MCM3: variants seen among roughly 807,000 people sequenced by gnomAD.
MCM3 encodes the protein DNA replication licensing factor MCM3.
MCM3 carries 59 observed loss-of-function variants against 91.3 expected under a neutral mutation model. The ratio of observed to expected loss-of-function variants is 0.65; its 90% CI spans 0.52 to 0.80. The LOEUF (loss-of-function observed/expected upper bound fraction) is 0.80. MCM3 is among the 30% of genes least tolerant of loss of function. The probability of loss-of-function intolerance (pLI) is 0.00; values close to 1 mark genes in which losing one functional copy is unlikely to be tolerated. For missense variants in MCM3, 919 were observed against 1,035.4 expected (o/e 0.89, Z 1.54); for synonymous variants, 383 against 379.6 (o/e 1.01, Z -0.10).
chr6:52,282,989 T>C, intron 2 of MCM3, 128 bp from the exon 3 acceptor site: 2 of 707,634 alleles, frequency 2.8e-6, no homozygotes, highest in Non-Finnish European at 4.7e-6. Context: ...CTCCTATAAG[T>C]CTCAGTAAAA....
chr6:52,269,109 C>T lies in MCM3; in HGVS notation c.1945G>A (p.Val649Ile). 8 of 1,613,800 alleles carry T rather than the reference C, an allele frequency of 5.0e-6. No homozygotes were observed. Among genetic ancestry groups the T allele is most frequent in the South Asian group, 1.1e-5 (1 of 91,010 alleles). Residue 649 changes from valine (V) to isoleucine (I), a missense_variant, in exon 13 of 17, where the codon GTC becomes ATC. Coordinates refer to ENST00000596288, the MANE Select transcript of MCM3 (RefSeq NM_002388.6). ...LQDAEEAVEL[V>I]QYAYFKKVLE... ...ACCTTCTTAAAGTAAGCATACTGGA[C>T]CAACTCCACAGCTTCCTCTGCATCC...
intron 12 of MCM3, among the ~76,000 whole-genome samples, chr6:52,269,694 G>C (rs1313941026): frequency 1.3e-5 from 2 of 152,226 alleles, no homozygotes; most frequent in Admixed American, 1.3e-4. Flanking sequence ...GAAGTAATCT[G>C]AGGACAAAAA....
At chr6:52,270,340 A>G (rs1040916175) in intron 12 of MCM3, among the ~76,000 whole-genome samples, 2 of 151,140 alleles carry the variant, frequency 1.3e-5, no homozygotes, top group South Asian at 2.1e-4. Flanking sequence ...AAAAAAAAAA[A>G]AAAAAGAAAA....
At chr6:52,266,523 T>A in intron 15 of MCM3, 88 bp downstream of exon 15, 1 of 1,200,138 alleles carries the variant, frequency 8.3e-7, no homozygotes, top group Non-Finnish European at 1.2e-6. Flanking sequence ...CAAACAGGAG[T>A]CCACAAGAAA....
At chr6:52,278,716 C>T in intron 6 of MCM3, 26 bp downstream of exon 6, 1 of 1,531,154 alleles carries the variant, frequency 6.5e-7, no homozygotes. Flanking sequence ...CATTCCCACC[C>T]TCAAATTTCT....
At chr6:52,284,041 C>T (rs756295985) in intron 1 of MCM3, among the ~76,000 whole-genome samples, 1 of 152,216 alleles carries the variant, frequency 6.6e-6, no homozygotes, top group Non-Finnish European at 1.5e-5. Context: ...CATCATCAAC[C>T]CTTCAAGATG....
intron 2 of MCM3, 112 bp from the exon 3 acceptor site, chr6:52,282,973 T>C (rs758347885): frequency 5.2e-6 from 4 of 769,188 alleles, no homozygotes; most frequent in Non-Finnish European, 8.3e-6. Flanking sequence ...ATCCAGCTTC[T>C]GCTTTCTCCT....
At chr6:52,279,276 T>C (rs1412551561) in intron 5 of MCM3, 85 bp downstream of exon 5, 1 of 1,201,284 alleles carries the variant, frequency 8.3e-7, no homozygotes, top group Non-Finnish European at 1.2e-6. Context: ...TATAACTCTC[T>C]GGAATATGGC....
Position 52,282,393 on chromosome 6 carries a change from G to C in MCM3, c.401-218C>G, listed in dbSNP as rs559624686. Among the ~76,000 whole-genome samples the C allele has an allele frequency of 2.6e-5, 4 of 152,128 alleles. No individual in the cohort carries two copies. In the South Asian group the frequency reaches 8.3e-4, roughly 32 times the overall value. ...TACCACCAATCCCAACTAATAAATAGGTGGAGTTAGAGGTTGGAATTAGAG... is the reference window on the plus strand; with the variant it reads ...TACCACCAATCCCAACTAATAAATACGTGGAGTTAGAGGTTGGAATTAGAG... On this transcript the variant is annotated intron_variant, in intron 3 of 16. Transcript: ENST00000596288.
chr6:52,271,171 G>A (rs555250674), intron 12 of MCM3, among the ~76,000 whole-genome samples: 16 of 151,756 alleles, frequency 1.1e-4, no homozygotes, highest in African/African-American at 3.1e-4. Context: ...CAGCAAGACC[G>A]CATCTCAAAA....
chr6:52,277,027 C>T (rs1765631845), intron 8 of MCM3, 40 bp downstream of exon 8: 1 of 1,593,454 alleles, frequency 6.3e-7, no homozygotes, highest in East Asian at 2.3e-5. Context: ...TATGCTCAGG[C>T]TCTCTGCTGG....
At chr6:52,280,064 A>G (rs1056908748) in intron 4 of MCM3, among the ~76,000 whole-genome samples, 3 of 152,242 alleles carry the variant, frequency 2.0e-5, no homozygotes, top group Non-Finnish European at 4.4e-5. Flanking sequence ...AATGTATGAA[A>G]CACACCTATA....
At chr6:52,267,711 A>G (rs987318186) in intron 14 of MCM3, among the ~76,000 whole-genome samples, 154 bp downstream of exon 14, 6 of 151,540 alleles carry the variant, frequency 4.0e-5, no homozygotes, top group African/African-American at 1.5e-4. Flanking sequence ...TATTTTTTGT[A>G]GAGACAGTTT....
intron 10 of MCM3, 151 bp downstream of exon 10, chr6:52,273,591 T>A: frequency 1.2e-6 from 1 of 838,124 alleles, no homozygotes; most frequent in Non-Finnish European, 1.8e-6. Flanking sequence ...TACCCTCCAC[T>A]AAGCAAGAAG....
intron 16 of MCM3, among the ~76,000 whole-genome samples, chr6:52,265,764 T>C (rs1024997367): frequency 6.6e-6 from 1 of 152,120 alleles, no homozygotes; most frequent in African/African-American, 2.4e-5. Context: ...CCAAGAAGAA[T>C]CTGAGGTTAC....
At chr6:52,267,227 T>C (rs934067914) in intron 14 of MCM3, among the ~76,000 whole-genome samples, 7 of 150,310 alleles carry the variant, frequency 4.7e-5, no homozygotes, top group African/African-American at 1.7e-4. Flanking sequence ...GCCTCCCAAG[T>C]AGCTGGGACT....
Position 52,276,401 on chromosome 6 carries a change from A to G in MCM3, c.1241T>C (p.Met414Thr). The G allele has an allele frequency of 6.2e-7, 1 of 1,614,184 alleles. No individual in the cohort carries two copies. Among genetic ancestry groups the G allele is most frequent in the Non-Finnish European group, 8.5e-7 (1 of 1,180,034 alleles). Residue 414 changes from methionine to threonine, a missense_variant, in exon 9 of 17, where the codon ATG (methionine) becomes ACG (threonine). By Grantham distance (81) the Met-to-Thr change is moderately conservative. Transcript: ENST00000596288. ...GVVCIDEFDK[M>T]SDMDRTAIHE... Reference sequence around the variant, plus strand: ...GATGGCTGTGCGATCCATGTCAGACATTTTGTCAAATTCATCAATGCAAAC... The same window carrying G: ...GATGGCTGTGCGATCCATGTCAGACGTTTTGTCAAATTCATCAATGCAAAC...
At chr6:52,264,964 TA>T (rs1764527876) in intron 16 of MCM3, among the ~76,000 whole-genome samples, 178 bp from the exon 17 acceptor site, 1 of 152,208 alleles carries the variant, frequency 6.6e-6, no homozygotes, top group Non-Finnish European at 1.5e-5. Context: ...CCTTTAAAGC[TA>T]AACTATTGTA....
chr6:52,265,373 T>G (rs956726298), intron 16 of MCM3: 1 of 334,404 alleles, frequency 3.0e-6, no homozygotes, highest in African/African-American at 2.2e-5. Context: ...GGCAACATGG[T>G]GAGATCCCGT....
Sources: allele counts gnomAD v4.1 joint callset (sites outside exome capture counted in the v4.1 genomes callset), GRCh38; gene constraint gnomAD v4.1.1; transcripts MANE v1.5; gene names NCBI Gene and HGNC (gene_info 2026-07-23, HGNC 2026-07-21).